Variants in LRRC4C observed in about 807,000 individuals in gnomAD.
LRRC4C encodes leucine rich repeat containing 4C.
In LRRC4C, 5 loss-of-function variants were observed where a neutral mutation model predicts 33.6. The ratio of observed to expected loss-of-function variants is 0.15; its 90% confidence interval spans 0.08 to 0.31. The LOEUF is 0.31. Ranked by LOEUF, LRRC4C falls within the 10% of genes least tolerant of loss-of-function variation. The pLI, the probability that LRRC4C is intolerant of heterozygous loss-of-function variation, is 1.00. For synonymous variants in LRRC4C, 329 were observed against 302.0 expected (o/e 1.09, Z -0.93); for missense variants, 560 against 796.7 (o/e 0.70, Z 3.58).
chr11:40,646,936 C>A (rs1942502464), intron 3 of LRRC4C, among the ~76,000 whole-genome samples: 1 of 152,148 alleles, frequency 6.6e-6, no homozygotes, highest in African/African-American at 2.4e-5. Context: ...GTTGATATTT[C>A]TATTGAGTGG....
At chr11:41,264,828 C>A (rs184620575) in intron 1 of LRRC4C, among the ~76,000 whole-genome samples, 47 of 152,154 alleles carry the variant, frequency 3.1e-4, no homozygotes, top group African/African-American at 1.1e-3. Flanking sequence ...TGCGTACAAC[C>A]ATGTATCAGG....
chr11:40,339,405 A>G (rs939504729), intron 3 of LRRC4C, among the ~76,000 whole-genome samples: 2 of 152,206 alleles, frequency 1.3e-5, no homozygotes, highest in African/African-American at 4.8e-5. Flanking sequence ...TAATTTCTCA[A>G]ATGGGCAAAA....
intron 2 of LRRC4C, among the ~76,000 whole-genome samples, chr11:40,920,914 C>A (rs1327218086): frequency 7.7e-6 from 1 of 129,640 alleles, no homozygotes; most frequent in African/African-American, 2.6e-5. Context: ...GTGCGCCCAA[C>A]ATAATCAAGG....
intron 1 of LRRC4C, among the ~76,000 whole-genome samples, chr11:41,433,689 G>A (rs547203150): frequency 3.8e-4 from 58 of 152,158 alleles, no homozygotes; most frequent in African/African-American, 1.2e-3. Context: ...CATCGGACTC[G>A]TTCTTCAGCT....
At chr11:40,928,711 A>G (rs528452125) in intron 2 of LRRC4C, among the ~76,000 whole-genome samples, 3 of 152,282 alleles carry the variant, frequency 2.0e-5, no homozygotes, top group Non-Finnish European at 4.4e-5. Flanking sequence ...AATTTTGACT[A>G]TTATAAAACT....
intron 1 of LRRC4C, among the ~76,000 whole-genome samples, chr11:41,259,873 G>A (rs976644820): frequency 1.3e-4 from 20 of 150,738 alleles, no homozygotes; most frequent in Non-Finnish European, 2.9e-4. Flanking sequence ...TTAAAAGACT[G>A]TTAGTTAATT....
chr11:40,269,702 G>A lies in LRRC4C; in HGVS notation c.-175-28104C>T, dbSNP rs191601876. Among the ~76,000 whole-genome samples the A allele has an allele frequency of 1.4e-3, 220 of 151,806 alleles. 2 individuals carry two copies. The highest frequency in any genetic ancestry group is 5.0e-3 in the African/African-American group (209 of 41,410). ...CAGTAAATAATAATATACAAATAAC[G>A]GGGTAGCAATATATAGTCTGATTTT... On this transcript the variant is annotated intron_variant, in intron 4 of 6. Transcript: ENST00000528697.
rs759420319 is a variant in LRRC4C at position 40,875,440 on chromosome 11, C to T, written c.-407+58195G>A. On this transcript the variant is annotated intron_variant, in intron 2 of 6. Transcript: ENST00000528697. ...CGCATTTGATGAATTAAATAAAGGG[C>T]GTTACATGCACTGATTTCCCTCTAG... Among the ~76,000 whole-genome samples, 7 of 152,164 alleles carry T rather than the reference C, an allele frequency of 4.6e-5. No individual in the cohort carries two copies. In the South Asian group the frequency reaches 6.2e-4, roughly 14 times the overall value.
intron 2 of LRRC4C, among the ~76,000 whole-genome samples, chr11:40,762,950 C>A (rs1047986787): frequency 2.6e-5 from 4 of 151,302 alleles, no homozygotes; most frequent in African/African-American, 9.7e-5. Context: ...TATTCAATCT[C>A]AAAAATTTTT....
At chr11:40,336,229 T>A (rs1249892248) in intron 3 of LRRC4C, among the ~76,000 whole-genome samples, 1 of 152,190 alleles carries the variant, frequency 6.6e-6, no homozygotes, top group African/African-American at 2.4e-5. Flanking sequence ...CTCTCCTCTT[T>A]TTTTCTTGAC....
rs1234039825 is a variant in LRRC4C, at chr11:40,887,212, A to AG, written c.-407+46422_-407+46423insC. 9.3e-5 allele frequency among the ~76,000 whole-genome samples: 14 copies of AG among 151,214 alleles called. No individual in the cohort carries two copies. The East Asian group carries it at 2.7e-3, about 29-fold the overall frequency. ...AAGTCTTCCAGCTAATACACATAAA[A>AG]AAAAGATTTTGAAAAATCATTATTT... is the stretch of plus-strand genomic sequence containing the variant. On this transcript the variant is annotated intron_variant, in intron 2 of 6. Coordinates refer to ENST00000528697, the MANE Select transcript of LRRC4C (RefSeq NM_001258419.2).
intron 2 of LRRC4C, among the ~76,000 whole-genome samples, chr11:40,753,543 T>C (rs1948800022): frequency 6.7e-6 from 1 of 149,212 alleles, no homozygotes; most frequent in Non-Finnish European, 1.5e-5. Context: ...AGAGGCACTT[T>C]TTTTTTTTTT....
intron 1 of LRRC4C, among the ~76,000 whole-genome samples, chr11:41,044,701 A>G (rs1300697041): frequency 6.6e-6 from 1 of 152,166 alleles, no homozygotes; most frequent in Non-Finnish European, 1.5e-5. Flanking sequence ...CAGATCAAGT[A>G]GAACGCAGTT....
intron 3 of LRRC4C, among the ~76,000 whole-genome samples, chr11:40,634,891 G>GA (rs1213741120): frequency 6.6e-6 from 1 of 150,448 alleles, no homozygotes; most frequent in Non-Finnish European, 1.5e-5. Context: ...CACTGTCTGT[G>GA]AAAAAAGAAA....
Position 41,348,132 on chromosome 11 carries a change from T to G in LRRC4C, c.-496+111299A>C, listed in dbSNP as rs147901754. ...TTCAAGCCTATGAGTTGTTTTCTAC[T>G]ACTTCCTACCTAAGCTATTGAGAGA... On this transcript the variant is annotated intron_variant, in intron 1 of 6. Transcript: ENST00000528697. Among the ~76,000 whole-genome samples the G allele has an allele frequency of 4.2e-3, 647 of 152,350 alleles. 3 individuals are homozygous for G. The highest frequency in any genetic ancestry group is 0.014 in the African/African-American group (570 of 41,588).
intron 3 of LRRC4C, among the ~76,000 whole-genome samples, chr11:40,436,994 G>A (rs1951168727): frequency 1.3e-5 from 2 of 152,138 alleles, no homozygotes; most frequent in South Asian, 2.1e-4. Flanking sequence ...GTCCACTTTC[G>A]CTCTGGAGCA....
At chr11:40,793,665 T>C (rs1950714361) in intron 2 of LRRC4C, among the ~76,000 whole-genome samples, 1 of 152,186 alleles carries the variant, frequency 6.6e-6, no homozygotes. Context: ...GAGCTGTGAT[T>C]TGAATGCAGA....
intron 3 of LRRC4C, among the ~76,000 whole-genome samples, chr11:40,609,662 A>C (rs564556441): frequency 6.6e-6 from 1 of 152,076 alleles, no homozygotes; most frequent in African/African-American, 2.4e-5. Flanking sequence ...TCTTTAAACT[A>C]GGAAAAAAGA....
At chr11:41,456,608 C>G (rs765123307) in intron 1 of LRRC4C, among the ~76,000 whole-genome samples, 1 of 152,126 alleles carries the variant, frequency 6.6e-6, no homozygotes, top group East Asian at 1.9e-4. Flanking sequence ...AGAAACCCTT[C>G]ACCAATTCAT....
Sources: gnomAD v4.1 joint callset for allele counts (sites outside exome capture counted in the v4.1 genomes callset) on GRCh38, gnomAD v4.1.1 for gene constraint, MANE v1.5 for transcripts, NCBI Gene and HGNC (gene_info 2026-07-23, HGNC 2026-07-21) for gene names.